Variants in DENND10 observed in about 807,000 individuals in gnomAD.
DENND10 encodes DENN domain-containing protein 10.
In DENND10, 24 loss-of-function variants were observed where a neutral mutation model predicts 43.6. The observed-to-expected ratio is 0.55, with a 90% CI of 0.40 to 0.77. The LOEUF is 0.77. Among genes scored for constraint, DENND10 ranks in the 30% least tolerant of loss-of-function variants. DENND10 has a pLI of 0.00. For synonymous variants in DENND10, 125 were observed against 157.6 expected (o/e 0.79, Z 1.55); for missense variants, 303 against 429.9 (o/e 0.70, Z 2.61).
At chr10:119,123,395 A>G in intron 5 of DENND10, 74 bp from the exon 6 acceptor site, 2 of 1,060,420 alleles carry the variant, frequency 1.9e-6, no homozygotes, top group Non-Finnish European at 2.9e-6. Context: ...CTTCTCAGGA[A>G]GAGGAGAAGG....
At chr10:119,125,042 G>A (rs147309925) in intron 6 of DENND10, among the ~76,000 whole-genome samples, 9,840 of 152,012 alleles carry the variant, frequency 0.065, 835 homozygotes, top group African/African-American at 0.19. Flanking sequence ...TGTGATCTCA[G>A]CTCACTGCAA....
intron 6 of DENND10, 187 bp from the exon 7 acceptor site, chr10:119,129,327 CG>C (rs1564798250): frequency 1.7e-6 from 1 of 581,892 alleles, no homozygotes; most frequent in East Asian, 2.9e-5. Flanking sequence ...GAATATCTGG[CG>C]TTGTGTGAAT....
chr10:119,106,764 G>T (rs902723153), intron 1 of DENND10, among the ~76,000 whole-genome samples: 8 of 152,144 alleles, frequency 5.3e-5, no homozygotes, highest in African/African-American at 1.9e-4. Context: ...AAATTATTCG[G>T]CTGGGCACGG....
At chr10:119,120,259 A>G (rs1370807641) in intron 4 of DENND10, 82 bp from the exon 5 acceptor site, 1 of 902,720 alleles carries the variant, frequency 1.1e-6, no homozygotes, top group Non-Finnish European at 1.7e-6. Context: ...AAAAAAAAAG[A>G]AAAAAGAAAA....
intron 6 of DENND10, among the ~76,000 whole-genome samples, chr10:119,125,758 C>T (rs1352376702): frequency 6.6e-6 from 1 of 151,952 alleles, no homozygotes; most frequent in Non-Finnish European, 1.5e-5. Flanking sequence ...CTCAGGTGAT[C>T]CACCCGCCTC....
intron 8 of DENND10, among the ~76,000 whole-genome samples, chr10:119,135,653 G>T (rs1032546739): frequency 6.6e-6 from 1 of 151,898 alleles, no homozygotes; most frequent in African/African-American, 2.4e-5. Context: ...CTAAGCGAGG[G>T]GAAATGGGGT....
rs150309241 is a variant in DENND10 at position 119,128,469 on chromosome 10, G to A, written c.695-1046G>A. ...CTCAAAATACAAAAATTAGCCAGGCGTGGTGGCGCACACCTGTAGTCCCAG... is the reference window on the plus strand; with the variant it reads ...CTCAAAATACAAAAATTAGCCAGGCATGGTGGCGCACACCTGTAGTCCCAG... On this transcript the variant is annotated intron_variant, in intron 6 of 8. Transcript: ENST00000361432. Among the ~76,000 whole-genome samples, 952 of 152,102 alleles carry A rather than the reference G, an allele frequency of 6.3e-3. 12 individuals are homozygous for A. The highest frequency in any genetic ancestry group is 0.021 in the African/African-American group (882 of 41,498).
chr10:119,117,799 C>G, intron 4 of DENND10, 132 bp downstream of exon 4: 2 of 836,686 alleles, frequency 2.4e-6, no homozygotes, highest in Non-Finnish European at 3.6e-6. Context: ...AACCTCGTCT[C>G]CACTAAAAAT....
rs543737095 is a variant in DENND10 at position 119,132,713 on chromosome 10, G to A, written c.897+104G>A. On this transcript the variant is annotated intron_variant, in intron 8 of 8. Transcript: ENST00000361432. This position sits in a 1 kb window ranked among gnomAD's most constrained non-coding sequence, Gnocchi z 4.2. ...AGCAGAGTGGGGGGCTGTGGTAGAGGCCAGCGGGCAGGTGCTTAGAGAGGG... is the reference window on the plus strand; with the variant it reads ...AGCAGAGTGGGGGGCTGTGGTAGAGACCAGCGGGCAGGTGCTTAGAGAGGG... 6.5e-6 allele frequency: 6 copies of A among 920,532 alleles called. No individual in the cohort carries two copies. The highest frequency in any genetic ancestry group is 3.3e-5 in the African/African-American group (2 of 61,488). 57.0% of individuals were successfully genotyped at this position (920,532 alleles called of 1,614,324 possible).
rs397845392 is a variant in DENND10 at position 119,115,382 on chromosome 10, A to ATTTTTTTTTTTTTTTTTTTTTTTTT, written c.333-2114_333-2113insTTTTTTTTTTTTTTTTTTTTTTTTT. Among the ~76,000 whole-genome samples the ATTTTTTTTTTTTTTTTTTTTTTTTT allele has an allele frequency of 6.2e-5, 3 of 48,418 alleles. 1 individual carries two copies. Among genetic ancestry groups the ATTTTTTTTTTTTTTTTTTTTTTTTT allele is most frequent in the South Asian group, 1.3e-3 (1 of 744 alleles). 31.8% of individuals were successfully genotyped at this position (48,418 alleles called of 152,430 possible). On this transcript the variant is annotated intron_variant, in intron 3 of 8. Coordinates refer to ENST00000361432, the MANE Select transcript of DENND10 (RefSeq NM_207009.4). ...CGTCAAGTTGTGAATTGAATTGGTA[A>ATTTTTTTTTTTTTTTTTTTTTTTTT]TTTTTTTTTTTTTTTTTTTTTTTGA...
At chr10:119,113,660 C>T (rs1249432565) in intron 3 of DENND10, among the ~76,000 whole-genome samples, 11 of 141,514 alleles carry the variant, frequency 7.8e-5, no homozygotes, top group South Asian at 2.2e-4. Context: ...TATTTTTGTG[C>T]GTGAATGTAT....
intron 1 of DENND10, among the ~76,000 whole-genome samples, chr10:119,106,287 C>G (rs1054397807): frequency 6.6e-6 from 1 of 152,168 alleles, no homozygotes; most frequent in African/African-American, 2.4e-5. Context: ...TTCCTTTCGG[C>G]AGATACCCAG....
Position 119,122,601 on chromosome 10 carries a change from C to T in DENND10, c.594-868C>T, listed in dbSNP as rs548981701. Among the ~76,000 whole-genome samples, 8 of 152,196 alleles carry T rather than the reference C, an allele frequency of 5.3e-5. No homozygotes were observed. In the East Asian group the frequency reaches 5.8e-4, roughly 11 times the overall value. On this transcript the variant is annotated intron_variant, in intron 5 of 8. Coordinates refer to ENST00000361432, the MANE Select transcript of DENND10 (RefSeq NM_207009.4). ...TCTACGTATGCTCCTTAAACTGGAG[C>T]GGTCACAGCTTCTGAGATATTTAGC...
intron 1 of DENND10, among the ~76,000 whole-genome samples, chr10:119,106,730 A>G (rs1049417116): frequency 2.6e-5 from 4 of 152,218 alleles, no homozygotes; most frequent in Non-Finnish European, 5.9e-5. Context: ...TGTTTTCGAC[A>G]AACCTTTTCT....
chr10:119,137,075 C>G lies in DENND10; in HGVS notation c.*428C>G. The G allele has an allele frequency of 5.9e-6, 1 of 168,222 alleles. No homozygotes were observed. Among genetic ancestry groups the G allele is most frequent in the Non-Finnish European group, 1.4e-5 (1 of 69,180 alleles). 10.4% of individuals were successfully genotyped at this position (168,222 alleles called of 1,614,324 possible). ...CTTCTAGGAAGAACTTTAATTCCTC[C>G]TGAGGAACTCTACTTTCTGAGCCAA... On this transcript the variant is annotated 3_prime_UTR_variant, in exon 9 of 9. Coordinates refer to ENST00000361432, the MANE Select transcript of DENND10 (RefSeq NM_207009.4).
chr10:119,106,995 A>T (rs1261875916), intron 1 of DENND10, among the ~76,000 whole-genome samples: 2 of 151,886 alleles, frequency 1.3e-5, no homozygotes, highest in African/African-American at 4.8e-5. Context: ...GGTTGTGGTG[A>T]GCTGAGATCA....
At chr10:119,108,724 G>A (rs1026492209) in intron 2 of DENND10, among the ~76,000 whole-genome samples, 7 of 150,040 alleles carry the variant, frequency 4.7e-5, no homozygotes, top group African/African-American at 1.7e-4. Context: ...GCGCAATCTC[G>A]GCTCACTGCA....
At position 119,107,231 on chromosome 10, in the gene DENND10, C is replaced by T. The variant is rs146651120; in HGVS notation, c.56-737C>T. The stretch of plus-strand genomic sequence containing the variant: ...ACTTGGGAGGCCAAGGCAGAAGAAT[C>T]GTTTGAACCTGGGAGCCAAGATAGC... On this transcript the variant is annotated intron_variant, in intron 1 of 8. Coordinates refer to ENST00000361432, the MANE Select transcript of DENND10 (RefSeq NM_207009.4). 5.4e-3 allele frequency among the ~76,000 whole-genome samples: 815 copies of T among 151,126 alleles called. 8 individuals carry two copies. Among genetic ancestry groups the T allele is most frequent in the African/African-American group, 0.018 (758 of 41,136 alleles).
intron 3 of DENND10, among the ~76,000 whole-genome samples, chr10:119,116,313 C>A (rs890699107): frequency 1.4e-4 from 21 of 152,142 alleles, no homozygotes; most frequent in Admixed American, 2.6e-4. Flanking sequence ...CACCAGAAAC[C>A]TAAAGGAGTT....
Sources: gnomAD v4.1 joint callset for allele counts (sites outside exome capture counted in the v4.1 genomes callset) on GRCh38, gnomAD v4.1.1 for gene constraint, Gnocchi (gnomAD v3.1) non-coding constraint, MANE v1.5 for transcripts, NCBI Gene and HGNC (gene_info 2026-07-23, HGNC 2026-07-21) for gene names.